Variants in PCDHGA7 observed in about 807,000 individuals in gnomAD.
PCDHGA7 encodes protocadherin gamma-A7.
Under a neutral mutation model 58.3 loss-of-function variants are expected in PCDHGA7, and 44 were observed. The ratio of observed to expected loss-of-function variants is 0.75; its 90% CI spans 0.59 to 0.97. PCDHGA7 has a LOEUF of 0.97. PCDHGA7 is among the 50% of genes least tolerant of loss of function. PCDHGA7 has a pLI of 0.00. For missense variants in PCDHGA7, 1,266 were observed against 1,188.7 expected (o/e 1.06, Z -0.96); for synonymous variants, 516 against 504.2 (o/e 1.02, Z -0.31).
intron 1 of PCDHGA7, among the ~76,000 whole-genome samples, chr5:141,439,532 C>T (rs1030997598): frequency 6.6e-6 from 1 of 152,202 alleles, no homozygotes; most frequent in Admixed American, 6.5e-5. Context: ...CTACAGAACG[C>T]TGTCCTCTCA....
rs767790688 is a variant in PCDHGA7 at position 141,382,744 on chromosome 5, A to G, written c.-156A>G. 1.0e-5 allele frequency: 6 copies of G among 592,898 alleles called. No individual in the cohort carries two copies. The highest frequency in any genetic ancestry group is 1.7e-5 in the Non-Finnish European group (6 of 351,004). 36.7% of individuals were successfully genotyped at this position (592,898 alleles called of 1,614,324 possible). Reference sequence around the variant, plus strand: ...GTTTTACAGCACAGAGAAACGACAGATTGCGATAAGCCCTCTTCCAGGCTG... The same window carrying G: ...GTTTTACAGCACAGAGAAACGACAGGTTGCGATAAGCCCTCTTCCAGGCTG... On this transcript the variant is annotated 5_prime_UTR_variant, in exon 1 of 4. Coordinates refer to ENST00000518325, the MANE Select transcript of PCDHGA7 (RefSeq NM_018920.4).
Position 141,476,908 on chromosome 5 carries a change from A to T in PCDHGA7, c.2425-17899A>T. ...ATGCACCCTCCGGCACGCGCGTGGT[A>T]CAAGTCCTTGCAACGGATCTGGATG... is the stretch of plus-strand genomic sequence containing the variant. On this transcript the variant is annotated intron_variant, in intron 1 of 3. Coordinates refer to ENST00000518325, the MANE Select transcript of PCDHGA7 (RefSeq NM_018920.4). This position sits in a 1 kb window ranked among gnomAD's most constrained non-coding sequence, Gnocchi z 7.6. The T allele has an allele frequency of 1.2e-6, 2 of 1,614,050 alleles. No individual in the cohort carries two copies. The highest frequency in any genetic ancestry group is 1.7e-6 in the Non-Finnish European group (2 of 1,180,038).
rs766387243 is a variant in PCDHGA7 at position 141,489,017 on chromosome 5, TCTC to T, written c.2425-5782_2425-5780del. The stretch of plus-strand genomic sequence containing the variant: ...GGGAGATCTGCTCTTCCAGCCCGCC[TCTC>T]CTCCTCCAGCTCCCCAGCTCCACTC... On this transcript the variant is annotated intron_variant, in intron 1 of 3. Transcript: ENST00000518325. This position sits in a 1 kb window ranked among gnomAD's most constrained non-coding sequence, Gnocchi z 4.5. 2 of 435,354 alleles carry T rather than the reference TCTC, an allele frequency of 4.6e-6. No individual in the cohort carries two copies. Among genetic ancestry groups the T allele is most frequent in the Non-Finnish European group, 8.1e-6 (2 of 247,876 alleles). The allele number at this position is 435,354 out of a possible 1,614,324, so 27.0% of individuals were successfully genotyped here. A position where few individuals can be genotyped will look rare whatever the true frequency, so the allele number is the denominator to read the frequency against.
chr5:141,426,858 T>G (rs898486771), intron 1 of PCDHGA7: 13 of 456,574 alleles, frequency 2.8e-5, no homozygotes, highest in African/African-American at 8.0e-5. Context: ...CGCTCCAGAA[T>G]TAGTGCTGGA....
At chr5:141,428,552 T>TC in intron 1 of PCDHGA7, 2 of 244,422 alleles carry the variant, frequency 8.2e-6, no homozygotes, top group African/African-American at 2.2e-5. Context: ...CCAGAAACAG[T>TC]CCCCCCACAA....
chr5:141,410,032 G>C (rs1395086834), intron 1 of PCDHGA7: 5 of 1,613,162 alleles, frequency 3.1e-6, no homozygotes, highest in African/African-American at 1.3e-5. Flanking sequence ...ACGTGCTGCA[G>C]GCCAGTGAGC....
At chr5:141,418,409 G>T in intron 1 of PCDHGA7, 1 of 1,613,910 alleles carries the variant, frequency 6.2e-7, no homozygotes, top group Non-Finnish European at 8.5e-7. Flanking sequence ...GGTGGAGAAA[G>T]ACAATCCTGA....
intron 1 of PCDHGA7, chr5:141,395,096 C>G (rs769366827): frequency 5.6e-6 from 9 of 1,614,186 alleles, no homozygotes; most frequent in Middle Eastern, 1.6e-4. Flanking sequence ...CCCTCACCGC[C>G]GACTCGCGGA....
intron 1 of PCDHGA7, chr5:141,393,177 G>A (rs1330463387): frequency 6.2e-7 from 1 of 1,613,292 alleles, no homozygotes; most frequent in South Asian, 1.1e-5. Flanking sequence ...GGTAGAAATA[G>A]AAATAATTGA....
intron 1 of PCDHGA7, chr5:141,421,360 T>G (rs549572548): frequency 6.2e-7 from 1 of 1,613,980 alleles, no homozygotes; most frequent in African/African-American, 1.3e-5. Context: ...AAAGGGCTCC[T>G]TCGTGGGCAA....
chr5:141,407,807 T>G (rs916388568), intron 1 of PCDHGA7, among the ~76,000 whole-genome samples: 1 of 152,202 alleles, frequency 6.6e-6, no homozygotes, highest in African/African-American at 2.4e-5. Context: ...CATAGAAATA[T>G]CTACTATAAT....
chr5:141,477,884 G>A lies in PCDHGA7; in HGVS notation c.2425-16923G>A. On this transcript the variant is annotated intron_variant, in intron 1 of 3. Transcript: ENST00000518325. The surrounding 1 kb of genome is among the most constrained non-coding windows in gnomAD (Gnocchi z 4.9). ...TCGAGGTACCTCAGCTGGCCACCTA[G>A]TGTCACGGGTGGTAGGCTGGGACGC... 6.2e-7 allele frequency: 1 copy of A among 1,614,190 alleles called. No homozygotes were observed. The highest frequency in any genetic ancestry group is 8.5e-7 in the Non-Finnish European group (1 of 1,180,036).
At position 141,383,036 on chromosome 5, in the gene PCDHGA7, G is replaced by T; in HGVS notation, c.137G>T (p.Gly46Val). 6.2e-7 allele frequency: 1 copy of T among 1,613,876 alleles called. No homozygotes were observed. Among genetic ancestry groups the T allele is most frequent in the Non-Finnish European group, 8.5e-7 (1 of 1,179,908 alleles). ...GAGACGGACAAAGGGTCCTTTGTGG[G>T]AGACATCGCCAAGGACCTGGGGCTG... ...SEETDKGSFV[G>V]DIAKDLGLEP... The change falls in exon 1 of 4, where the codon GGA (glycine) becomes GTA (valine). Residue 46 changes from glycine to valine, a missense_variant. Transcript: ENST00000518325.
At chr5:141,426,702 C>CA (rs1187798274) in intron 1 of PCDHGA7, 1 of 439,184 alleles carries the variant, frequency 2.3e-6, no homozygotes, top group Admixed American at 2.4e-5. Context: ...CATTGTTTTA[C>CA]AAATCAATGA....
At chr5:141,419,419 C>T (rs767018815) in intron 1 of PCDHGA7, 1 of 1,613,266 alleles carries the variant, frequency 6.2e-7, no homozygotes, top group Non-Finnish European at 8.5e-7. Flanking sequence ...AGCGCGCCTT[C>T]GACCACGAGC....
In PCDHGA7 at chr5:141,417,959, C is replaced by T. The variant is rs759279387; in HGVS notation, c.2424+32636C>T. 7.4e-6 allele frequency: 12 copies of T among 1,613,616 alleles called. No homozygotes were observed. The highest frequency in any genetic ancestry group is 4.0e-5 in the African/African-American group (3 of 74,932). On this transcript the variant is annotated intron_variant, in intron 1 of 3. Coordinates refer to ENST00000518325, the MANE Select transcript of PCDHGA7 (RefSeq NM_018920.4). The stretch of plus-strand genomic sequence containing the variant: ...CTACCCCACGCTGTGTGAGCCGATC[C>T]GCTACTCGATTCCGGAGGAGCTGGC...
At chr5:141,403,236 T>G in intron 1 of PCDHGA7, 1 of 1,613,908 alleles carries the variant, frequency 6.2e-7, no homozygotes, top group South Asian at 1.1e-5. Flanking sequence ...CGGGAGGAGC[T>G]CTGTGCTCAG....
intron 1 of PCDHGA7, among the ~76,000 whole-genome samples, chr5:141,438,637 C>G (rs11958903): frequency 3.2e-5 from 1 of 30,940 alleles, no homozygotes. Context: ...TATATATATA[C>G]ACACACACAC....
At chr5:141,462,020 T>G (rs1371390043) in intron 1 of PCDHGA7, among the ~76,000 whole-genome samples, 6 of 152,110 alleles carry the variant, frequency 3.9e-5, no homozygotes, top group Non-Finnish European at 8.8e-5. Flanking sequence ...ACGGGGTTTC[T>G]TCATGTTGGT....
Sources: gnomAD v4.1 joint callset for allele counts (sites outside exome capture counted in the v4.1 genomes callset) on GRCh38, gnomAD v4.1.1 for gene constraint, Gnocchi (gnomAD v3.1) non-coding constraint, MANE v1.5 for transcripts, NCBI Gene and HGNC (gene_info 2026-07-23, HGNC 2026-07-21) for gene names.